Variants in TTN observed in about 807,000 individuals in gnomAD.
The protein encoded by TTN is titin.
TTN carries 1,525 observed loss-of-function variants against 3,223.0 expected under a neutral mutation model. The ratio of observed to expected loss-of-function variants is 0.47; its 90% confidence interval spans 0.45 to 0.49. TTN has a LOEUF of 0.49. Among genes scored for constraint, TTN ranks in the 20% least tolerant of loss-of-function variants. TTN has a pLI of 0.00. For missense variants in TTN, 40,786 were observed against 43,424.0 expected, an observed-to-expected ratio of 0.94 and a Z score of 5.40; for synonymous variants, 14,094 against 15,161.0, an observed-to-expected ratio of 0.93 and a Z score of 5.17.
In TTN at chr2:178,599,692, G is replaced by A; in HGVS notation, c.56209C>T (p.His18737Tyr). The change falls in exon 289 of 363, where the codon CAT becomes TAT. Residue 18737 changes from histidine (H) to tyrosine (Y), a missense_variant. His to Tyr is a moderately conservative substitution (Grantham distance 83). Coordinates refer to ENST00000589042, the MANE Select transcript of TTN (RefSeq NM_001267550.2). ...TCATCTACCACCAGTTTGTTGACAT[G>A]GGTGTCATAGAGAACAGGTTCTTTG... ...DNKEPVLYDT[H>Y]VNKLVVDDTC... is the part of the protein sequence containing the mutation. 1 of 1,613,004 alleles carries A rather than the reference G, an allele frequency of 6.2e-7. No homozygotes were observed. The highest frequency in any genetic ancestry group is 1.1e-5 in the South Asian group (1 of 90,994).
At chr2:178,781,310 T>G in intron 20 of TTN, 47 bp from the exon 21 acceptor site, 6 of 1,606,766 alleles carry the variant, frequency 3.7e-6, no homozygotes, top group Non-Finnish European at 5.1e-6. Flanking sequence ...CAACAACTCT[T>G]CTGTGGGTAA....
Position 178,722,001 on chromosome 2 carries a change from C to T in TTN, c.22662G>A (p.Glu7554=). 6.2e-7 allele frequency: 1 copy of T among 1,613,540 alleles called. No homozygotes were observed. Among genetic ancestry groups the T allele is most frequent in the Non-Finnish European group, 8.5e-7 (1 of 1,179,590 alleles). ...MRITWSKDNK[E]IRPGGNYTIT... is the part of the protein sequence containing the mutation. ...TTGTATAGTTTCCTCCAGGACGGAT[C>T]TCCTTGTTATCTTTTGACCAAGTGA... The change falls in exon 78 of 363, where the codon GAG becomes GAA. Residue 7554 remains glutamate, a synonymous_variant. Coordinates refer to ENST00000589042, the MANE Select transcript of TTN (RefSeq NM_001267550.2).
At chr2:178,805,785 G>C (rs1159411247) in intron 1 of TTN, among the ~76,000 whole-genome samples, 1 of 152,158 alleles carries the variant, frequency 6.6e-6, no homozygotes, top group Non-Finnish European at 1.5e-5. Context: ...ATAATGGAAG[G>C]CTGGTGTAAA....
chr2:178,707,500 G>A, intron 100 of TTN, 26 bp downstream of exon 100: 2 of 1,594,478 alleles, frequency 1.3e-6, no homozygotes, highest in Non-Finnish European at 1.7e-6. Context: ...GGCTTGAGCT[G>A]CATAATACTT....
At chr2:178,750,106 C>A (rs1251969010) in intron 47 of TTN, 1 of 1,613,118 alleles carries the variant, frequency 6.2e-7, no homozygotes, top group South Asian at 1.1e-5. Context: ...GAAAGGAAAG[C>A]AATTCTGTGT....
At chr2:178,793,786 C>T (rs912671391) in intron 8 of TTN, among the ~76,000 whole-genome samples, 6 of 151,912 alleles carry the variant, frequency 3.9e-5, no homozygotes, top group African/African-American at 9.7e-5. Flanking sequence ...GGTGACAGAG[C>T]GAGACTCTGT....
chr2:178,664,198 G>T, intron 168 of TTN, 100 bp from the exon 169 acceptor site: 1 of 1,188,680 alleles, frequency 8.4e-7, no homozygotes, highest in Non-Finnish European at 1.2e-6. Flanking sequence ...TTTCTCCTGA[G>T]CTGAGATCAG....
chr2:178,766,919 T>C (rs1483610830), intron 40 of TTN, among the ~76,000 whole-genome samples: 1 of 152,230 alleles, frequency 6.6e-6, no homozygotes, highest in Non-Finnish European at 1.5e-5. Flanking sequence ...GATATAATGA[T>C]GCTTTACCTT....
intron 316 of TTN, 75 bp downstream of exon 316, chr2:178,581,424 T>C: frequency 7.9e-7 from 1 of 1,271,930 alleles, no homozygotes; most frequent in Non-Finnish European, 1.1e-6. Flanking sequence ...TTAATCTACC[T>C]AAGGGAGTTC....
At chr2:178,685,490 G>T (rs772706263) in intron 128 of TTN, 28 bp downstream of exon 128, 1 of 1,595,500 alleles carries the variant, frequency 6.3e-7, no homozygotes, top group Admixed American at 1.7e-5. Context: ...CTAACATAGG[G>T]ATAAAACTAA....
Position 178,675,057 on chromosome 2 carries a change from C to T in TTN, c.34594G>A (p.Glu11532Lys). 2 of 1,542,808 alleles carry T rather than the reference C, an allele frequency of 1.3e-6. No homozygotes were observed. The highest frequency in any genetic ancestry group is 1.7e-6 in the Non-Finnish European group (2 of 1,151,662). Residue 11532 changes from glutamate (E) to lysine (K), a missense_variant, in exon 150 of 363, where the codon GAA (glutamate) becomes AAA (lysine). Glu to Lys is a moderately conservative substitution (Grantham distance 56). Transcript: ENST00000589042. ...EKRIILPKEE[E>K]VLPVEVTEEP... is the part of the protein sequence containing the mutation. ...TATCTACCTTCAACTGGTAGAACTT[C>T]CTCTTCTTTAGGGAGAATGATTCGT...
At position 178,640,606 on chromosome 2, in the gene TTN, G is replaced by A. The variant is rs748474369; in HGVS notation, c.40658C>T (p.Pro13553Leu). ...AGTAGGTACTTCAACCTCTTCAACA[G>A]GTTTTGGAGGTGGTGGTTCTGGTAC... ...PAVPEPPPPKPVEEVEVPTVT... is the reference protein window; with the variant it reads ...PAVPEPPPPKLVEEVEVPTVT... The change falls in exon 221 of 363, where the codon CCT (proline) becomes CTT (leucine). Residue 13553 changes from proline (P) to leucine (L), a missense_variant. Coordinates refer to ENST00000589042, the MANE Select transcript of TTN (RefSeq NM_001267550.2). 6.3e-7 allele frequency: 1 copy of A among 1,588,956 alleles called. No individual in the cohort carries two copies. The highest frequency in any genetic ancestry group is 1.8e-5 in the Admixed American group (1 of 54,382).
At position 178,562,905 on chromosome 2, in the gene TTN, G is replaced by A. The variant is rs1185542536; in HGVS notation, c.83227C>T (p.Arg27743Trp). 12 of 1,613,276 alleles carry A rather than the reference G, an allele frequency of 7.4e-6. No homozygotes were observed. Among genetic ancestry groups the A allele is most frequent in the African/African-American group, 2.7e-5 (2 of 74,872 alleles). ...TTATTTTCTAATGTCAGATTATACCGACCACTGTCAAATCTGGTAACATTA... is the reference window on the plus strand; with the variant it reads ...TTATTTTCTAATGTCAGATTATACCAACCACTGTCAAATCTGGTAACATTA... ...IDNVTRFDSG[R>W]YNLTLENNSG... The change falls in exon 326 of 363, where the codon CGG becomes TGG. Residue 27743 changes from arginine to tryptophan, a missense_variant. By Grantham distance (101) the Arg-to-Trp change is moderately radical. Transcript: ENST00000589042.
At chr2:178,641,487 A>T (rs536214090) in intron 219 of TTN, 172 bp from the exon 220 acceptor site, 139 of 436,282 alleles carry the variant, frequency 3.2e-4, no homozygotes, top group South Asian at 1.1e-3. Flanking sequence ...TGTTTTTTTT[A>T]AAATCAAAGG....
intron 142 of TTN, 45 bp downstream of exon 142, chr2:178,679,294 G>T: frequency 6.3e-7 from 1 of 1,584,028 alleles, no homozygotes; most frequent in South Asian, 1.1e-5. Context: ...TATGCTGCAT[G>T]GGTGAATTAT....
At chr2:178,615,023 T>A in intron 259 of TTN, 55 bp from the exon 260 acceptor site, 1 of 1,451,866 alleles carries the variant, frequency 6.9e-7, no homozygotes, top group Non-Finnish European at 9.4e-7. Context: ...CGTTTCATTG[T>A]GTAGTACTCA....
At chr2:178,793,214 G>A (rs927729769) in intron 9 of TTN, among the ~76,000 whole-genome samples, 190 bp downstream of exon 9, 4 of 152,174 alleles carry the variant, frequency 2.6e-5, no homozygotes, top group African/African-American at 9.7e-5. Context: ...ATACTCACAA[G>A]GGGAGCATTC....
Position 178,593,652 on chromosome 2 carries a change from A to G in TTN, c.58648T>C (p.Tyr19550His), listed in dbSNP as rs2154186587. The G allele has an allele frequency of 1.2e-6, 2 of 1,613,116 alleles. No individual in the cohort carries two copies. Among genetic ancestry groups the G allele is most frequent in the Non-Finnish European group, 1.7e-6 (2 of 1,179,526 alleles). ...KVSKLLEGKD[Y>H]IFRIHAENLY... ...TTTTCAGCATGTATCCGGAAAATAT[A>G]ATCTTTTCCTTCAAGTAGTTTAGAA... The change falls in exon 298 of 363, where the codon TAT (tyrosine) becomes CAT (histidine). Residue 19550 changes from tyrosine to histidine, a missense_variant. Transcript: ENST00000589042.
chr2:178,715,568 CTTCAACACTGAGA>C lies in TTN; in HGVS notation c.25833_25845del (p.Asn8611LysfsTer23). The C allele has an allele frequency of 6.2e-7, 1 of 1,613,596 alleles. No individual in the cohort carries two copies. The highest frequency in any genetic ancestry group is 1.1e-5 in the South Asian group (1 of 91,062). On this transcript the variant is annotated frameshift_variant, in exon 89 of 363. Transcript: ENST00000589042. LOFTEE classifies it high-confidence loss of function. The stretch of plus-strand genomic sequence containing the variant: ...GCCTCACAGGTGTAGTCTCCACTGT[CTTCAACACTGAGA>C]TTGTGCATTTCCAGCACAGCCACCG...
Sources: gnomAD v4.1 joint callset for allele counts (sites outside exome capture counted in the v4.1 genomes callset) on GRCh38, gnomAD v4.1.1 for gene constraint, MANE v1.5 for transcripts, NCBI Gene and HGNC (gene_info 2026-07-23, HGNC 2026-07-21) for gene names.